The following FANCB variants were observed in gnomAD, a reference collection of about 807,000 sequenced individuals.
FANCB encodes the protein FA complementation group B, also known as Fanconi anemia group B protein.
A neutral mutation model predicts 38.9 loss-of-function variants in FANCB; 5 were observed. The ratio of observed to expected loss-of-function variants is 0.13; its 90% CI spans 0.07 to 0.27. The LOEUF (loss-of-function observed/expected upper bound fraction) is 0.27. FANCB is among the 10% of genes least tolerant of loss of function. FANCB has a pLI of 1.00. For missense variants in FANCB, 573 were observed against 602.7 expected, an observed-to-expected ratio of 0.95 and a Z score of 0.52; for synonymous variants, 236 against 215.4, an observed-to-expected ratio of 1.10 and a Z score of -0.84.
At chrX:14,831,386 T>C (rs2092327239), downstream of FANCB, among the ~76,000 whole-genome samples, 1 of 112,083 alleles carries the variant, frequency 8.9e-6, no homozygotes, top group Non-Finnish European at 1.9e-5. Flanking sequence ...TATTATTAGC[T>C]ATTAAATTAT....
chrX:14,699,117 T>C, the FANCB span, among the ~76,000 whole-genome samples: 1 of 112,269 alleles, frequency 8.9e-6, no homozygotes, highest in Admixed American at 9.4e-5. Context: ...CCCAGTCTAT[T>C]AGAAGCTGAT....
Position 14,863,909 on chromosome X carries a change from C to T in FANCB, c.951+651G>A, listed in dbSNP as rs778025478. Among the ~76,000 whole-genome samples the T allele has an allele frequency of 5.4e-5, 6 of 111,767 alleles. No homozygotes were observed. In the East Asian group the frequency reaches 8.4e-4, roughly 16 times the overall value. On this transcript the variant is annotated intron_variant, in intron 3 of 9. Coordinates refer to ENST00000650831, the MANE Select transcript of FANCB (RefSeq NM_001018113.3). ...CAGCACTTTGGGAGGCCGAGGCAGG[C>T]GGACCACTTGAAGCCAGGAGTTTGA... is the stretch of plus-strand genomic sequence containing the variant.
chrX:14,753,536 C>G, the FANCB span, among the ~76,000 whole-genome samples: 1 of 111,684 alleles, frequency 9.0e-6, no homozygotes, highest in South Asian at 3.8e-4. Flanking sequence ...TCTGGTTGGG[C>G]CAGGTTGGCT....
the FANCB span, among the ~76,000 whole-genome samples, chrX:14,809,811 C>T: frequency 1.8e-5 from 2 of 112,626 alleles, no homozygotes; most frequent in Non-Finnish European, 3.8e-5. Context: ...CCCTGTCTGA[C>T]AGCTTTGAAG....
chrX:14,735,404 G>A, the FANCB span, among the ~76,000 whole-genome samples: 1 of 111,415 alleles, frequency 9.0e-6, no homozygotes, highest in Non-Finnish European at 1.9e-5. Context: ...GGTGTCCTTC[G>A]GATGGGGTTT....
At chrX:14,821,128 T>A in the FANCB span, among the ~76,000 whole-genome samples, 1 of 111,888 alleles carries the variant, frequency 8.9e-6, no homozygotes, top group Non-Finnish European at 1.9e-5. Flanking sequence ...ATACAACTTT[T>A]TTTTTTGCTA....
chrX:14,691,274 T>A, the FANCB span, among the ~76,000 whole-genome samples: 70 of 3,930 alleles, frequency 0.018, 1 homozygote, highest in African/African-American at 0.057. Flanking sequence ...ATATTGACTG[T>A]GTGTGTGTGT....
chrX:14,865,269 C>A lies in FANCB; in HGVS notation c.242G>T (p.Cys81Phe). ...NSHLKIMCCNCVSDFRTGINL... is the reference protein window; with the variant it reads ...NSHLKIMCCNFVSDFRTGINL... ...AATTCCAGTTCTGAAATCTGACACACAGTTGCAACACATGATTTTTAAATG... is the reference window on the plus strand; with the variant it reads ...AATTCCAGTTCTGAAATCTGACACAAAGTTGCAACACATGATTTTTAAATG... Residue 81 changes from cysteine to phenylalanine, a missense_variant, in exon 3 of 10, where the codon TGT (cysteine) becomes TTT (phenylalanine). By Grantham distance (205) the Cys-to-Phe change is radical. Coordinates refer to ENST00000650831, the MANE Select transcript of FANCB (RefSeq NM_001018113.3). The A allele has an allele frequency of 8.7e-7, 1 of 1,147,776 alleles. No homozygotes were observed. The highest frequency in any genetic ancestry group is 1.2e-6 in the Non-Finnish European group (1 of 862,350). 94.6% of individuals were successfully genotyped at this position (1,147,776 alleles called of 1,213,427 possible).
chrX:14,858,035 A>G, intron 4 of FANCB, 81 bp from the exon 5 acceptor site: 1 of 619,534 alleles, frequency 1.6e-6, no homozygotes, highest in Non-Finnish European at 2.6e-6. Flanking sequence ...ACAAAATACA[A>G]TTAAAGTATA....
the FANCB span, among the ~76,000 whole-genome samples, chrX:14,745,793 G>A: frequency 1.9e-3 from 195 of 101,273 alleles, 1 homozygote; most frequent in African/African-American, 6.4e-3. Flanking sequence ...TCCGCCTCCC[G>A]GGTTAACGCC....
At chrX:14,844,372 T>A (rs2092366414) in intron 9 of FANCB, 131 bp downstream of exon 9, 1 of 537,283 alleles carries the variant, frequency 1.9e-6, no homozygotes, top group African/African-American at 2.3e-5. Flanking sequence ...CGTTCATTCA[T>A]GCTAGGCCAT....
At chrX:14,777,333 T>C in the FANCB span, among the ~76,000 whole-genome samples, 1 of 112,214 alleles carries the variant, frequency 8.9e-6, no homozygotes, top group African/African-American at 3.2e-5. Context: ...CAGTTACTTA[T>C]CATCACTTCA....
At chrX:14,763,416 G>T in the FANCB span, among the ~76,000 whole-genome samples, 5 of 111,889 alleles carry the variant, frequency 4.5e-5, no homozygotes, top group Non-Finnish European at 9.4e-5. Flanking sequence ...GGAAAAGCAG[G>T]TACAGAGGAA....
chrX:14,751,458 T>C, the FANCB span, among the ~76,000 whole-genome samples: 1 of 111,521 alleles, frequency 9.0e-6, no homozygotes, highest in Non-Finnish European at 1.9e-5. Flanking sequence ...AGAGAGAAAA[T>C]GATTGATCGT....
the FANCB span, chrX:14,731,852 G>A: frequency 9.0e-6 from 1 of 111,414 alleles, no homozygotes; most frequent in African/African-American, 3.3e-5. Context: ...GAATTAAAAT[G>A]TAGATATTTA....
chrX:14,729,398 A>T, the FANCB span, among the ~76,000 whole-genome samples: 63 of 111,216 alleles, frequency 5.7e-4, no homozygotes, highest in African/African-American at 2.0e-3. Flanking sequence ...ACCCAAACAC[A>T]TACCCAGATC....
At chrX:14,791,489 G>A in the FANCB span, among the ~76,000 whole-genome samples, 4 of 111,891 alleles carry the variant, frequency 3.6e-5, no homozygotes, top group African/African-American at 9.8e-5. Context: ...AATTGCTGCT[G>A]AGTAAGTCAC....
chrX:14,740,953 A>AACACACACACACACAC, the FANCB span, among the ~76,000 whole-genome samples: 2 of 110,013 alleles, frequency 1.8e-5, no homozygotes, highest in African/African-American at 6.7e-5. Flanking sequence ...CTAATACACA[A>AACACACACACACACAC]ACACATGCAC....
intron 6 of FANCB, 55 bp downstream of exon 6, chrX:14,852,984 A>G (rs2092407908): frequency 7.4e-6 from 8 of 1,087,666 alleles, no homozygotes; most frequent in Non-Finnish European, 1.0e-5. Flanking sequence ...ACTTTTCAAT[A>G]GCTTATAGAT....
Sources: allele counts gnomAD v4.1 joint callset (sites outside exome capture counted in the v4.1 genomes callset), GRCh38; gene constraint gnomAD v4.1.1; transcripts MANE v1.5; gene names NCBI Gene and HGNC (gene_info 2026-07-23, HGNC 2026-07-21).